GALNT14: variants seen among roughly 807,000 people sequenced by gnomAD.
GALNT14 encodes polypeptide N-acetylgalactosaminyltransferase 14.
In GALNT14, 60 loss-of-function variants were observed where a neutral mutation model predicts 77.5. The observed-to-expected ratio is 0.77, with a 90% CI of 0.63 to 0.96. GALNT14 has a LOEUF of 0.96. GALNT14 is among the 40% of genes least tolerant of loss of function. GALNT14 has a pLI of 0.00. For missense variants in GALNT14, 710 were observed against 731.0 expected (o/e 0.97, Z 0.33); for synonymous variants, 280 against 281.7 (o/e 0.99, Z 0.06).
chr2:31,033,575 C>T (rs1244323984), intron 1 of GALNT14, among the ~76,000 whole-genome samples: 1 of 152,166 alleles, frequency 6.6e-6, no homozygotes, highest in Non-Finnish European at 1.5e-5. Flanking sequence ...CCAAGACTGG[C>T]TGTCTTCTCT....
At chr2:31,092,405 C>T (rs1676794324) in intron 1 of GALNT14, among the ~76,000 whole-genome samples, 2 of 152,014 alleles carry the variant, frequency 1.3e-5, no homozygotes, top group Non-Finnish European at 2.9e-5. Flanking sequence ...GCCTTACCTC[C>T]TAAATCATCA....
chr2:30,907,147 G>T (rs1664165347), downstream of GALNT14, among the ~76,000 whole-genome samples: 1 of 152,088 alleles, frequency 6.6e-6, no homozygotes, highest in African/African-American at 2.4e-5. Flanking sequence ...ACAATTAAAA[G>T]AACTAGAAAA....
chr2:31,055,320 G>A (rs1573256649), intron 1 of GALNT14, among the ~76,000 whole-genome samples: 1 of 152,204 alleles, frequency 6.6e-6, no homozygotes, highest in African/African-American at 2.4e-5. Flanking sequence ...GAACATAAAT[G>A]GCATGGGCAC....
At chr2:31,026,709 T>C (rs915838522) in intron 1 of GALNT14, among the ~76,000 whole-genome samples, 2 of 152,180 alleles carry the variant, frequency 1.3e-5, no homozygotes, top group Non-Finnish European at 2.9e-5. Context: ...CTCTGGCCTT[T>C]AGTTTCCCCA....
At chr2:31,067,486 T>G (rs1253347292) in intron 1 of GALNT14, among the ~76,000 whole-genome samples, 1 of 152,056 alleles carries the variant, frequency 6.6e-6, no homozygotes, top group Non-Finnish European at 1.5e-5. Flanking sequence ...GAGCCGGTTT[T>G]GTGCCGGCAG....
rs532330801 is a variant in GALNT14 at position 30,973,986 on chromosome 2, G to A, written c.300-7684C>T. ...AAGTGAACTGCTTAGGAACTTGGTC[G>A]GGTGCTCTGGTGGGCAGCTTTCAAA... On this transcript the variant is annotated intron_variant, in intron 2 of 14. Coordinates refer to ENST00000349752, the MANE Select transcript of GALNT14 (RefSeq NM_024572.4). 1.1e-3 allele frequency among the ~76,000 whole-genome samples: 161 copies of A among 152,266 alleles called. 6 individuals carry two copies. In the South Asian group the frequency reaches 0.031, roughly 29 times the overall value.
At chr2:31,017,929 G>A (rs1047644246) in intron 1 of GALNT14, among the ~76,000 whole-genome samples, 3 of 152,272 alleles carry the variant, frequency 2.0e-5, no homozygotes, top group African/African-American at 7.2e-5. Context: ...GTCTGTGTGA[G>A]TAATAAGGGC....
chr2:30,918,240 C>T (rs1211645507), intron 13 of GALNT14, among the ~76,000 whole-genome samples: 1 of 152,206 alleles, frequency 6.6e-6, no homozygotes, highest in Non-Finnish European at 1.5e-5. Flanking sequence ...ACACTCAGTA[C>T]ATCTTCGCTG....
chr2:31,056,999 G>A (rs1285908134), intron 1 of GALNT14, among the ~76,000 whole-genome samples: 1 of 152,070 alleles, frequency 6.6e-6, no homozygotes, highest in Non-Finnish European at 1.5e-5. Context: ...TGCAGCTGGA[G>A]GCCATTAACC....
intron 2 of GALNT14, among the ~76,000 whole-genome samples, chr2:30,989,601 G>T (rs6738704): frequency 0.01 from 954 of 94,612 alleles, 7 homozygotes; most frequent in South Asian, 0.017. Context: ...TATATTAGTA[G>T]ATATATAAAA....
intron 1 of GALNT14, among the ~76,000 whole-genome samples, chr2:31,115,189 T>C (rs990404547): frequency 6.6e-6 from 1 of 151,900 alleles, no homozygotes; most frequent in African/African-American, 2.4e-5. Flanking sequence ...AGGTTGAGGT[T>C]GCAACGAGCT....
At chr2:31,048,646 T>C (rs1673642232) in intron 1 of GALNT14, among the ~76,000 whole-genome samples, 1 of 131,274 alleles carries the variant, frequency 7.6e-6, no homozygotes, top group South Asian at 2.8e-4. Flanking sequence ...AATTTCAGCA[T>C]CCTCCTATGG....
chr2:31,040,104 C>T (rs1673009613), intron 1 of GALNT14, among the ~76,000 whole-genome samples: 3 of 152,120 alleles, frequency 2.0e-5, no homozygotes, highest in Admixed American at 2.0e-4. Context: ...TTGGAACAAA[C>T]TGTTTATTTC....
intron 1 of GALNT14, among the ~76,000 whole-genome samples, chr2:30,994,303 T>C (rs190325027): frequency 6.6e-6 from 1 of 152,222 alleles, no homozygotes; most frequent in East Asian, 1.9e-4. Flanking sequence ...CTGAGTAGAA[T>C]GCACCTCCTG....
chr2:31,049,725 C>T (rs1460790199), intron 1 of GALNT14, among the ~76,000 whole-genome samples: 1 of 152,226 alleles, frequency 6.6e-6, no homozygotes, highest in African/African-American at 2.4e-5. Flanking sequence ...CAACCACAAA[C>T]TTGTGGCCTA....
intron 13 of GALNT14, among the ~76,000 whole-genome samples, chr2:30,920,364 G>A (rs1664955217): frequency 6.6e-6 from 1 of 152,186 alleles, no homozygotes; most frequent in Non-Finnish European, 1.5e-5. Context: ...AGAAGTGGGA[G>A]CAGAGAAGAC....
In GALNT14 at chr2:30,945,953, A is replaced by G. The variant is rs1666670148; in HGVS notation, c.655-83T>C. 4.5e-6 allele frequency: 5 copies of G among 1,113,566 alleles called. No homozygotes were observed. The East Asian group carries it at 1.2e-4, about 27-fold the overall frequency. The allele number at this position is 1,113,566 out of a possible 1,614,324, so 69.0% of individuals were successfully genotyped here. A position where few individuals can be genotyped will look rare whatever the true frequency, so the allele number is the denominator to read the frequency against. ...GAGCTTGGGATGGCCTCGTGAGGGT[A>G]GGGCCAGAGATGAGTTTTGTGGCCT... On this transcript the variant is annotated intron_variant, in intron 6 of 14. Coordinates refer to ENST00000349752, the MANE Select transcript of GALNT14 (RefSeq NM_024572.4).
chr2:30,967,936 G>T (rs1410510715), intron 2 of GALNT14, among the ~76,000 whole-genome samples: 2 of 152,160 alleles, frequency 1.3e-5, no homozygotes, highest in African/African-American at 2.4e-5. Flanking sequence ...CCTCTGCATG[G>T]AGCAACGTCC....
downstream of GALNT14, among the ~76,000 whole-genome samples, chr2:30,909,174 A>G (rs1480323982): frequency 1.3e-5 from 2 of 151,376 alleles, no homozygotes; most frequent in Non-Finnish European, 3.0e-5. Flanking sequence ...CTAAAACACC[A>G]AAAGCAATGG....
Sources: gnomAD v4.1 joint callset for allele counts (sites outside exome capture counted in the v4.1 genomes callset) on GRCh38, gnomAD v4.1.1 for gene constraint, MANE v1.5 for transcripts, NCBI Gene and HGNC (gene_info 2026-07-23, HGNC 2026-07-21) for gene names.